Variants in CYREN observed in about 807,000 individuals in gnomAD.
CYREN encodes the protein cell cycle regulator of non-homologous end joining.
In CYREN, 7 loss-of-function variants were observed where a neutral mutation model predicts 9.7. The ratio of observed to expected loss-of-function variants is 0.72; its 90% CI spans 0.41 to 1.36. The LOEUF is 1.36. Among genes scored for constraint, CYREN ranks in the 40% most tolerant of loss-of-function variants. The pLI is 0.01. For synonymous variants in CYREN, 76 were observed against 77.9 expected (o/e 0.98, Z 0.13); for missense variants, 215 against 198.1 (o/e 1.09, Z -0.51).
chr7:135,121,080 C>T (rs1827066403), intron 2 of CYREN, among the ~76,000 whole-genome samples: 1 of 152,172 alleles, frequency 6.6e-6, no homozygotes, highest in Admixed American at 6.5e-5. Context: ...TGTCTCATAC[C>T]TGTAATCCCA....
chr7:135,103,818 G>A (rs78463102), intron 2 of CYREN, among the ~76,000 whole-genome samples: 7,712 of 151,960 alleles, frequency 0.051, 260 homozygotes, highest in Non-Finnish European at 0.08. Context: ...CCTCATCCAC[G>A]TCTCTATCAC....
intron 2 of CYREN, among the ~76,000 whole-genome samples, chr7:135,130,827 T>C (rs1828647742): frequency 1.3e-5 from 2 of 152,202 alleles, no homozygotes; most frequent in Admixed American, 6.5e-5. Flanking sequence ...TTTTGGGTGA[T>C]AATTTTGAAT....
At chr7:135,140,569 T>C (rs2117394631) in intron 2 of CYREN, among the ~76,000 whole-genome samples, 1 of 152,280 alleles carries the variant, frequency 6.6e-6, no homozygotes, top group South Asian at 2.1e-4. Context: ...TCTTGCCTAG[T>C]TGCTCTGGCT....
rs192165535 is a variant in CYREN, at chr7:135,142,833, A to G, written n.356+25916T>C. The stretch of plus-strand genomic sequence containing the variant: ...AAACTACTAAAGAATAACTAAATAA[A>G]TGGAAAGACAGTCTGTGTTCATAGA... On this transcript the variant is annotated intron_variant and non_coding_transcript_variant, in intron 2 of 2. Coordinates refer to the CYREN transcript ENST00000459937. Among the ~76,000 whole-genome samples the G allele has an allele frequency of 7.9e-5, 12 of 152,328 alleles. No homozygotes were observed. The East Asian group carries it at 2.3e-3, about 29-fold the overall frequency.
chr7:135,101,146 G>T (rs915505445), intron 2 of CYREN: 1 of 455,594 alleles, frequency 2.2e-6, no homozygotes, highest in Non-Finnish European at 4.4e-6. Context: ...TCAGTGAGAG[G>T]CCAATCTAGG....
chr7:135,101,844 C>T (rs1454445607), intron 2 of CYREN, among the ~76,000 whole-genome samples: 2 of 152,192 alleles, frequency 1.3e-5, no homozygotes, highest in Admixed American at 1.3e-4. Context: ...ATAATTCCCA[C>T]ATGTTGTGGG....
intron 2 of CYREN, among the ~76,000 whole-genome samples, chr7:135,134,529 C>A (rs1005523816): frequency 2.0e-5 from 3 of 151,942 alleles, no homozygotes; most frequent in African/African-American, 7.3e-5. Context: ...TTTTTAGTGA[C>A]CATCTACTTT....
At position 135,100,197 on chromosome 7, in the gene CYREN, A is replaced by ATTTT. The variant is rs1303884350; in HGVS notation, n.357-5616_357-5615insAAAA. ...CACTGCACCCGAGTTTCTCTTTAAAAAAAAAAAAAACACTGGTGGCATAAG... is the reference window on the plus strand; with the variant it reads ...CACTGCACCCGAGTTTCTCTTTAAAATTTTAAAAAAAAAACACTGGTGGCATAAG... On this transcript the variant is annotated intron_variant and non_coding_transcript_variant, in intron 2 of 2. Coordinates refer to the CYREN transcript ENST00000459937. 297 of 151,674 alleles carry ATTTT rather than the reference A, an allele frequency of 2.0e-3. 1 individual carries two copies. Among genetic ancestry groups the ATTTT allele is most frequent in the African/African-American group, 6.8e-3 (282 of 41,184 alleles). 9.4% of individuals were successfully genotyped at this position (151,674 alleles called of 1,614,324 possible). A position where few individuals can be genotyped will look rare whatever the true frequency, so the allele number is the denominator to read the frequency against.
chr7:135,113,435 G>A (rs1428896487), intron 2 of CYREN, among the ~76,000 whole-genome samples: 1 of 151,506 alleles, frequency 6.6e-6, no homozygotes, highest in Non-Finnish European at 1.5e-5. Flanking sequence ...ATATTATTTT[G>A]CCTATAAACA....
chr7:135,145,366 A>T (rs1052079664), intron 2 of CYREN, among the ~76,000 whole-genome samples: 1 of 152,186 alleles, frequency 6.6e-6, no homozygotes, highest in Non-Finnish European at 1.5e-5. Flanking sequence ...AGAACTGAAT[A>T]AATGGAGAAA....
At chr7:135,153,792 T>G (rs1213876000) in intron 2 of CYREN, among the ~76,000 whole-genome samples, 1 of 152,250 alleles carries the variant, frequency 6.6e-6, no homozygotes, top group Admixed American at 6.5e-5. Context: ...GATATTGGTC[T>G]GTGTTTTCAT....
chr7:135,128,488 G>T, intron 2 of CYREN: 1 of 755,156 alleles, frequency 1.3e-6, no homozygotes, highest in South Asian at 1.4e-5. Context: ...GCTGGCCCCA[G>T]TGAGTATTTA....
At position 135,168,759 on chromosome 7, in the gene CYREN, G is replaced by A. The variant is rs78929509; in HGVS notation, c.137+27C>T. 2.4e-5 allele frequency: 39 copies of A among 1,608,814 alleles called. No homozygotes were observed. In the Admixed American group the frequency reaches 2.7e-4, roughly 11 times the overall value. On this transcript the variant is annotated intron_variant, in intron 2 of 3. Coordinates refer to ENST00000393114, the MANE Select transcript of CYREN (RefSeq NM_024033.4). ...CCCTGCTCCACTTGCCAGATTCGCA[G>A]GAGTCTTCTGACCAGAGCTGTCGCA...
intron 2 of CYREN, among the ~76,000 whole-genome samples, chr7:135,158,252 A>G (rs564065423): frequency 6.6e-6 from 1 of 152,336 alleles, no homozygotes; most frequent in African/African-American, 2.4e-5. Context: ...TCTCAACAGC[A>G]GCATGTTGCA....
intron 2 of CYREN, chr7:135,134,914 G>C: frequency 6.4e-7 from 1 of 1,551,120 alleles, no homozygotes; most frequent in East Asian, 2.4e-5. Flanking sequence ...TCACCCTTTT[G>C]TAATCCAAGG....
In CYREN at chr7:135,102,980, TG is replaced by T. The variant is rs1460491865; in HGVS notation, n.357-8399del. ...ACACTGTTAAGAAAATTAAAATGCA[TG>T]GGACATATTGGAAAAAAATTACCAA... On this transcript the variant is annotated intron_variant and non_coding_transcript_variant, in intron 2 of 2. Transcript: ENST00000459937. 3.3e-5 allele frequency among the ~76,000 whole-genome samples: 5 copies of T among 152,158 alleles called. No individual in the cohort carries two copies. In the East Asian group the frequency reaches 9.6e-4, roughly 29 times the overall value.
At chr7:135,119,186 A>G (rs1032078903) in intron 2 of CYREN, among the ~76,000 whole-genome samples, 1 of 152,170 alleles carries the variant, frequency 6.6e-6, no homozygotes, top group Non-Finnish European at 1.5e-5. Context: ...GCAGACCATT[A>G]ATAGGATACA....
Position 135,125,313 on chromosome 7 carries a change from T to TGGAC in CYREN, n.357-30735_357-30732dup, listed in dbSNP as rs1484800474. Among the ~76,000 whole-genome samples the TGGAC allele has an allele frequency of 4.9e-4, 75 of 152,258 alleles. 1 individual carries two copies. The highest frequency in any genetic ancestry group is 1.7e-3 in the African/African-American group (69 of 41,554). On this transcript the variant is annotated intron_variant and non_coding_transcript_variant, in intron 2 of 2. Transcript: ENST00000459937. Reference sequence around the variant, plus strand: ...AATCTAGAAGAAATGGAGAAATTCCTGGACACACACACCCTCCCAAGACTA... The same window carrying TGGAC: ...AATCTAGAAGAAATGGAGAAATTCCTGGACGGACACACACACCCTCCCAAGACTA...
upstream of CYREN, among the ~76,000 whole-genome samples, chr7:135,171,930 G>A (rs532726520): frequency 6.6e-6 from 1 of 152,260 alleles, no homozygotes; most frequent in African/African-American, 2.4e-5. Context: ...GCTGAACACC[G>A]GGAAGGAACT....
Sources: gnomAD v4.1 joint callset for allele counts (sites outside exome capture counted in the v4.1 genomes callset) on GRCh38, gnomAD v4.1.1 for gene constraint, MANE v1.5 for transcripts, NCBI Gene and HGNC (gene_info 2026-07-23, HGNC 2026-07-21) for gene names.